Variants in ALDH7A1 observed in about 807,000 individuals in gnomAD.
ALDH7A1 encodes aldehyde dehydrogenase 7 family member A1, also known as alpha-aminoadipic semialdehyde dehydrogenase.
In ALDH7A1, 63 loss-of-function variants were observed where a neutral mutation model predicts 79.9. The observed-to-expected ratio is 0.79, with a 90% CI of 0.64 to 0.97. The LOEUF is 0.97. Ranked by LOEUF, ALDH7A1 falls within the 50% of genes least tolerant of loss-of-function variation. The pLI, the probability that ALDH7A1 is intolerant of heterozygous loss-of-function variation, is 0.00. For synonymous variants in ALDH7A1, 240 were observed against 231.2 expected, an observed-to-expected ratio of 1.04 and a Z score of -0.34; for missense variants, 627 against 665.2, an observed-to-expected ratio of 0.94 and a Z score of 0.63.
intron 17 of ALDH7A1, among the ~76,000 whole-genome samples, chr5:126,545,939 C>T (rs959366738): frequency 5.3e-5 from 8 of 152,018 alleles, no homozygotes; most frequent in Admixed American, 2.0e-4. Context: ...ACGGTGAAAC[C>T]CAATCTCTAC....
intron 3 of ALDH7A1, chr5:126,586,337 A>G (rs1204429723): frequency 6.6e-6 from 1 of 152,224 alleles, no homozygotes; most frequent in East Asian, 1.9e-4. Flanking sequence ...GAATTTAGTC[A>G]GCACATTTAT....
chr5:126,557,553 T>G (rs903489775), intron 11 of ALDH7A1, among the ~76,000 whole-genome samples: 1 of 144,868 alleles, frequency 6.9e-6, no homozygotes, highest in Non-Finnish European at 1.5e-5. Context: ...ACCATTGCAC[T>G]CCAGCCTGGC....
At chr5:126,590,682 C>T (rs1043189612) in intron 3 of ALDH7A1, among the ~76,000 whole-genome samples, 20 of 151,848 alleles carry the variant, frequency 1.3e-4, no homozygotes, top group African/African-American at 3.6e-4. Flanking sequence ...CTTAGGAGTT[C>T]GAGACCGCCC....
intron 9 of ALDH7A1, among the ~76,000 whole-genome samples, chr5:126,566,264 T>A (rs1750580852): frequency 6.6e-6 from 1 of 152,230 alleles, no homozygotes; most frequent in South Asian, 2.1e-4. Context: ...TTGATGATGA[T>A]TTGTAGTGCT....
At chr5:126,551,902 A>C in intron 14 of ALDH7A1, 119 bp downstream of exon 14, 2 of 811,792 alleles carry the variant, frequency 2.5e-6, no homozygotes, top group Non-Finnish European at 4.2e-6. Flanking sequence ...TCATATATCT[A>C]CTATTCAGAT....
At chr5:126,577,900 G>C (rs1751033266) in intron 5 of ALDH7A1, among the ~76,000 whole-genome samples, 1 of 151,348 alleles carries the variant, frequency 6.6e-6, no homozygotes, top group South Asian at 2.1e-4. Context: ...CGAATCCCTG[G>C]GCCAACTTCT....
chr5:126,568,383 A>C (rs1750664515), intron 8 of ALDH7A1, 27 bp from the exon 9 acceptor site: 1 of 1,597,938 alleles, frequency 6.3e-7, no homozygotes, highest in African/African-American at 1.3e-5. Context: ...ACGGTCGGCC[A>C]CCCAAGCAGA....
intron 11 of ALDH7A1, among the ~76,000 whole-genome samples, chr5:126,556,813 G>A (rs1311919367): frequency 1.8e-4 from 28 of 152,152 alleles, no homozygotes; most frequent in Admixed American, 1.8e-3. Context: ...TGGCAGAGCT[G>A]AACTTGCCAA....
At position 126,554,273 on chromosome 5, in the gene ALDH7A1, A is replaced by G; in HGVS notation, c.1200+14T>C. The G allele has an allele frequency of 1.2e-6, 2 of 1,610,246 alleles. No individual in the cohort carries two copies. Among genetic ancestry groups the G allele is most frequent in the Non-Finnish European group, 1.7e-6 (2 of 1,176,922 alleles). ...TTAAAAAGCTGTCACAATTGATCTC[A>G]GAGCATCCCTTACCTTGCCCCCATA... On this transcript the variant is annotated intron_variant, in intron 13 of 17. Coordinates refer to ENST00000409134, the MANE Select transcript of ALDH7A1 (RefSeq NM_001182.5).
At chr5:126,593,505 TA>T in intron 1 of ALDH7A1, 101 bp from the exon 2 acceptor site, 1 of 1,511,064 alleles carries the variant, frequency 6.6e-7, no homozygotes, top group Non-Finnish European at 9.1e-7. Context: ...GAAAAAATGA[TA>T]TAATACCCAA....
chr5:126,590,795 G>C (rs1751527754), intron 3 of ALDH7A1, among the ~76,000 whole-genome samples: 1 of 151,910 alleles, frequency 6.6e-6, no homozygotes. Flanking sequence ...GCTGAGATGG[G>C]AGGATCCCAG....
chr5:126,592,887 C>A (rs1581406312), intron 2 of ALDH7A1, among the ~76,000 whole-genome samples, 158 bp from the exon 3 acceptor site: 1 of 152,346 alleles, frequency 6.6e-6, no homozygotes, highest in African/African-American at 2.4e-5. Context: ...CTTCCAAAAA[C>A]TAGCTAGAAC....
intron 3 of ALDH7A1, among the ~76,000 whole-genome samples, chr5:126,589,302 C>T (rs920326794): frequency 6.6e-6 from 1 of 151,922 alleles, no homozygotes; most frequent in Non-Finnish European, 1.5e-5. Flanking sequence ...GGGTTACAGG[C>T]GCGCACCACC....
At chr5:126,551,969 T>C (rs2112755698) in intron 14 of ALDH7A1, 52 bp downstream of exon 14, 1 of 1,384,330 alleles carries the variant, frequency 7.2e-7, no homozygotes. Context: ...ACCATCATTT[T>C]CCTCTTATCA....
At chr5:126,557,567 CAGAG>C (rs1401876528) in intron 11 of ALDH7A1, among the ~76,000 whole-genome samples, 1 of 144,962 alleles carries the variant, frequency 6.9e-6, no homozygotes, top group Non-Finnish European at 1.5e-5. Flanking sequence ...GCCTGGCCAA[CAGAG>C]AGAGACTCCA....
In ALDH7A1 at chr5:126,550,275, C is replaced by T. The variant is rs1196903958; in HGVS notation, c.1336G>A (p.Ala446Thr). 16 of 1,612,814 alleles carry T rather than the reference C, an allele frequency of 9.9e-6. No homozygotes were observed. Among genetic ancestry groups the T allele is most frequent in the Non-Finnish European group, 1.4e-5 (16 of 1,179,154 alleles). ...CCCTGTTTTACTTCATTATTCCATGCAAAGACCTCTTCTTCATTCTAAAAG... is the reference window on the plus strand; with the variant it reads ...CCCTGTTTTACTTCATTATTCCATGTAAAGACCTCTTCTTCATTCTAAAAG... ...FKFKNEEEVFAWNNEVKQGLS... is the reference protein window; with the variant it reads ...FKFKNEEEVFTWNNEVKQGLS... Residue 446 changes from alanine to threonine, a missense_variant, in exon 15 of 18, where the codon GCA becomes ACA. Ala to Thr is a moderately conservative substitution (Grantham distance 58). Coordinates refer to ENST00000409134, the MANE Select transcript of ALDH7A1 (RefSeq NM_001182.5).
chr5:126,590,374 A>T (rs1246646277), intron 3 of ALDH7A1, among the ~76,000 whole-genome samples: 1 of 152,182 alleles, frequency 6.6e-6, no homozygotes, highest in Non-Finnish European at 1.5e-5. Flanking sequence ...TTTTTAATTA[A>T]AAGTTTTAAA....
intron 1 of ALDH7A1, chr5:126,594,439 T>TA (rs1491229979): frequency 1.9e-5 from 1 of 53,466 alleles, no homozygotes; most frequent in Non-Finnish European, 3.5e-5. Context: ...AAGGTTTTAA[T>TA]TTTTTTTTTT....
At chr5:126,574,619 C>T (rs1319602580) in intron 7 of ALDH7A1, among the ~76,000 whole-genome samples, 12 of 151,212 alleles carry the variant, frequency 7.9e-5, no homozygotes, top group Admixed American at 7.9e-4. Context: ...GGCGTGAACC[C>T]GGGAGGTGGA....
Sources: allele counts gnomAD v4.1 joint callset (sites outside exome capture counted in the v4.1 genomes callset), GRCh38; gene constraint gnomAD v4.1.1; transcripts MANE v1.5; gene names NCBI Gene and HGNC (gene_info 2026-07-23, HGNC 2026-07-21).